Variants in SCD5 observed in about 807,000 individuals in gnomAD.
SCD5 encodes acyl-CoA-desaturase 4.
SCD5 carries 20 observed loss-of-function variants against 30.4 expected under a neutral mutation model. That is an observed-to-expected ratio of 0.66 (90% CI 0.46 to 0.96). The LOEUF is 0.96. Ranked by LOEUF, SCD5 falls within the 40% of genes least tolerant of loss-of-function variation. The probability of loss-of-function intolerance (pLI) is 0.00; values close to 1 mark genes in which losing one functional copy is unlikely to be tolerated. For synonymous variants in SCD5, 173 were observed against 176.4 expected (o/e 0.98, Z 0.16); for missense variants, 381 against 443.3 (o/e 0.86, Z 1.26).
chr4:82,650,522 C>T (rs1232416724), intron 3 of SCD5, among the ~76,000 whole-genome samples: 2 of 152,098 alleles, frequency 1.3e-5, no homozygotes, highest in South Asian at 2.1e-4. Context: ...ATGGCAAAAC[C>T]GCGTCTCTAC....
chr4:82,728,006 A>G (rs114012211), intron 1 of SCD5, among the ~76,000 whole-genome samples: 15,473 of 151,892 alleles, frequency 0.1, 942 homozygotes, highest in African/African-American at 0.16. Context: ...ACCATGCCCC[A>G]CCTCTAGTCT....
chr4:82,714,152 ACTTCT>A (rs1371845906), intron 1 of SCD5, among the ~76,000 whole-genome samples: 1 of 152,162 alleles, frequency 6.6e-6, no homozygotes, highest in African/African-American at 2.4e-5. Flanking sequence ...CCATGCTGTT[ACTTCT>A]CTTATGTTAA....
intron 3 of SCD5, among the ~76,000 whole-genome samples, chr4:82,653,707 T>TAGATAGATAGATAGATATAGATAG (rs34976357): frequency 1.1e-4 from 7 of 61,626 alleles, no homozygotes; most frequent in South Asian, 5.1e-4. Context: ...GATAGATAGA[T>TAGATAGATAGATAGATATAGATAG]ATAGATAGAT....
chr4:82,699,488 G>A (rs1054773194), intron 2 of SCD5, among the ~76,000 whole-genome samples: 2 of 151,130 alleles, frequency 1.3e-5, no homozygotes, highest in African/African-American at 2.4e-5. Context: ...AGGTTCAAGC[G>A]ATTCTCATGT....
chr4:82,637,517 G>C (rs1175292619), intron 3 of SCD5, among the ~76,000 whole-genome samples: 1 of 152,256 alleles, frequency 6.6e-6, no homozygotes, highest in East Asian at 1.9e-4. Context: ...CATGAGCTAA[G>C]TGCTGGCAAT....
Position 82,636,901 on chromosome 4 carries a change from T to A in SCD5, c.570-78A>T. Reference sequence around the variant, plus strand: ...TGGGCTGAGCAAGTCACAGGAAAAGTCAGAAAAAAGCCCAGGGAGAGAACT... The same window carrying A: ...TGGGCTGAGCAAGTCACAGGAAAAGACAGAAAAAAGCCCAGGGAGAGAACT... On this transcript the variant is annotated intron_variant, in intron 3 of 4. Transcript: ENST00000319540. 4 of 1,269,106 alleles carry A rather than the reference T, an allele frequency of 3.2e-6. No individual in the cohort carries two copies. The Admixed American group carries it at 7.6e-5, about 24-fold the overall frequency. 78.6% of individuals were successfully genotyped at this position (1,269,106 alleles called of 1,614,324 possible).
chr4:82,679,355 A>G (rs780189069), intron 3 of SCD5, among the ~76,000 whole-genome samples: 26 of 152,050 alleles, frequency 1.7e-4, no homozygotes, highest in Admixed American at 3.3e-4. Flanking sequence ...TTTCACCTAA[A>G]AGAGCTGAAT....
intron 3 of SCD5, chr4:82,659,949 T>G (rs1049610187): frequency 6.8e-6 from 1 of 146,994 alleles, no homozygotes; most frequent in South Asian, 2.2e-4. Flanking sequence ...AAGACACATA[T>G]AGGCTCAAAA....
At chr4:82,739,718 G>A (rs1266164888) in intron 1 of SCD5, among the ~76,000 whole-genome samples, 2 of 152,248 alleles carry the variant, frequency 1.3e-5, no homozygotes, top group Admixed American at 6.5e-5. Context: ...TAGGAAGCAC[G>A]TAGAGTTAGA....
At chr4:82,761,922 C>T (rs1236765405) in intron 1 of SCD5, among the ~76,000 whole-genome samples, 3 of 151,966 alleles carry the variant, frequency 2.0e-5, no homozygotes, top group Non-Finnish European at 4.4e-5. Context: ...CCTGTAATCC[C>T]AGCACTTTGG....
At chr4:82,645,171 A>G (rs1322608354) in intron 3 of SCD5, among the ~76,000 whole-genome samples, 6 of 152,144 alleles carry the variant, frequency 3.9e-5, no homozygotes, top group Non-Finnish European at 8.8e-5. Context: ...AAAACTAGCC[A>G]GGTGTGGAAG....
intron 1 of SCD5, among the ~76,000 whole-genome samples, chr4:82,762,437 T>G (rs914260701): frequency 7.2e-5 from 11 of 152,186 alleles, no homozygotes; most frequent in Admixed American, 3.9e-4. Context: ...AAGACGAGGT[T>G]TCACCATGTT....
chr4:82,708,140 A>G (rs1720007311), intron 1 of SCD5, among the ~76,000 whole-genome samples: 2 of 152,320 alleles, frequency 1.3e-5, no homozygotes, highest in Admixed American at 6.5e-5. Flanking sequence ...ATGAATAAAA[A>G]TGTTTTAAAA....
chr4:82,674,827 T>A (rs1020345060), intron 3 of SCD5, among the ~76,000 whole-genome samples: 2 of 152,058 alleles, frequency 1.3e-5, no homozygotes, highest in African/African-American at 4.8e-5. Flanking sequence ...TGAAAAGACA[T>A]GGAGGAAGCA....
intron 2 of SCD5, among the ~76,000 whole-genome samples, chr4:82,701,257 T>C (rs1001993522): frequency 6.6e-6 from 1 of 152,092 alleles, no homozygotes; most frequent in Non-Finnish European, 1.5e-5. Context: ...AATTCATATG[T>C]TAAGAGAGGA....
chr4:82,704,775 G>C (rs1330056267), intron 2 of SCD5, among the ~76,000 whole-genome samples: 3 of 152,240 alleles, frequency 2.0e-5, no homozygotes, highest in African/African-American at 7.2e-5. Context: ...TGTTGTAAGA[G>C]CAATGACTTG....
rs762732703 is a variant in SCD5, at chr4:82,712,243, CATATATATATATATAT to C, written c.233-6846_233-6831del. On this transcript the variant is annotated intron_variant, in intron 1 of 4. Transcript: ENST00000319540. ...ATAGGTCTGGGGAGGGACCAACTAA[CATATATATATATATAT>C]ATATATATATATATATATATATATA... is the stretch of plus-strand genomic sequence containing the variant. Among the ~76,000 whole-genome samples the C allele has an allele frequency of 2.7e-3, 79 of 28,826 alleles. 6 individuals are homozygous for C. Among genetic ancestry groups the C allele is most frequent in the Non-Finnish European group, 4.9e-3 (54 of 11,066 alleles). 18.9% of individuals were successfully genotyped at this position (28,826 alleles called of 152,430 possible).
chr4:82,677,268 C>T (rs1163127707), intron 3 of SCD5, among the ~76,000 whole-genome samples: 1 of 152,214 alleles, frequency 6.6e-6, no homozygotes, highest in African/African-American at 2.4e-5. Flanking sequence ...GGAATAGGGA[C>T]TGTTCCTCTA....
At chr4:82,716,751 G>T (rs1000428760) in intron 1 of SCD5, among the ~76,000 whole-genome samples, 1 of 151,448 alleles carries the variant, frequency 6.6e-6, no homozygotes, top group Non-Finnish European at 1.5e-5. Flanking sequence ...GAGGCAGAGG[G>T]TGCAATGAGC....
Sources: gnomAD v4.1 joint callset for allele counts (sites outside exome capture counted in the v4.1 genomes callset) on GRCh38, gnomAD v4.1.1 for gene constraint, MANE v1.5 for transcripts, NCBI Gene and HGNC (gene_info 2026-07-23, HGNC 2026-07-21) for gene names.